Variants in STXBP5L observed in about 807,000 individuals in gnomAD.
STXBP5L encodes syntaxin binding protein 5L.
Under a neutral mutation model 144.5 loss-of-function variants are expected in STXBP5L, and 65 were observed. That is an observed-to-expected ratio of 0.45 (90% CI 0.37 to 0.55). The LOEUF is 0.55. Ranked by LOEUF, STXBP5L falls within the 20% of genes least tolerant of loss-of-function variation. STXBP5L has a pLI of 0.00. For synonymous variants in STXBP5L, 505 were observed against 469.6 expected (o/e 1.08, Z -0.97); for missense variants, 1,298 against 1,405.5 (o/e 0.92, Z 1.22).
intron 11 of STXBP5L, among the ~76,000 whole-genome samples, chr3:121,230,663 A>G (rs2049276953): frequency 6.6e-6 from 1 of 152,132 alleles, no homozygotes; most frequent in Non-Finnish European, 1.5e-5. Context: ...CCAATTTGGT[A>G]CCATAGACAA....
chr3:121,245,188 T>C (rs917772416), intron 14 of STXBP5L, among the ~76,000 whole-genome samples: 1 of 151,950 alleles, frequency 6.6e-6, no homozygotes, highest in Non-Finnish European at 1.5e-5. Context: ...AGATAGTGAA[T>C]GTAAAGGAGT....
rs1209251497 is a variant in STXBP5L, at chr3:120,908,339, C to T, written c.-9+5C>T. Reference sequence around the variant, plus strand: ...GGCTAGAGGCGTCTGAGGAAGGTGCCTAAGTCCTGGGTCAGATAGTCATCC... The same window carrying T: ...GGCTAGAGGCGTCTGAGGAAGGTGCTTAAGTCCTGGGTCAGATAGTCATCC... On this transcript the variant is annotated splice_donor_5th_base_variant and intron_variant, in intron 1 of 26. Transcript: ENST00000471454. The T allele has an allele frequency of 6.5e-6, 1 of 152,756 alleles. No individual in the cohort carries two copies. The highest frequency in any genetic ancestry group is 1.5e-5 in the Non-Finnish European group (1 of 68,352). The allele number at this position is 152,756 out of a possible 1,614,324, so 9.5% of individuals were successfully genotyped here.
intron 5 of STXBP5L, among the ~76,000 whole-genome samples, chr3:121,066,273 C>T (rs940343507): frequency 2.0e-5 from 3 of 151,724 alleles, no homozygotes; most frequent in Non-Finnish European, 2.9e-5. Context: ...CATTATTTCA[C>T]CTTTAAGTGT....
intron 22 of STXBP5L, among the ~76,000 whole-genome samples, chr3:121,391,583 C>G (rs1284433674): frequency 6.6e-6 from 1 of 151,434 alleles, no homozygotes; most frequent in East Asian, 1.9e-4. Context: ...TGTAGATGAC[C>G]TTTTTGTTGA....
intron 9 of STXBP5L, among the ~76,000 whole-genome samples, chr3:121,186,103 G>C (rs2108131416): frequency 6.6e-6 from 1 of 152,160 alleles, no homozygotes; most frequent in East Asian, 1.9e-4. Flanking sequence ...CTGTTTGTCT[G>C]TTATTGGTGT....
chr3:121,355,757 G>C (rs1167023291), intron 20 of STXBP5L, among the ~76,000 whole-genome samples: 1 of 152,124 alleles, frequency 6.6e-6, no homozygotes, highest in Non-Finnish European at 1.5e-5. Flanking sequence ...TCCTTGGGAG[G>C]AGAAGAGGCA....
chr3:120,956,972 C>A (rs1306131440), intron 3 of STXBP5L, among the ~76,000 whole-genome samples: 1 of 151,730 alleles, frequency 6.6e-6, no homozygotes, highest in Non-Finnish European at 1.5e-5. Context: ...TACATTTGGG[C>A]CTTTTATCCA....
At chr3:121,074,042 T>G (rs2041918994) in intron 5 of STXBP5L, among the ~76,000 whole-genome samples, 1 of 152,156 alleles carries the variant, frequency 6.6e-6, no homozygotes, top group African/African-American at 2.4e-5. Context: ...CAACAATACA[T>G]CATCCATGTA....
At chr3:121,310,862 T>A (rs1217238762) in intron 19 of STXBP5L, among the ~76,000 whole-genome samples, 1 of 151,728 alleles carries the variant, frequency 6.6e-6, no homozygotes, top group African/African-American at 2.4e-5. Flanking sequence ...TGAGCCAAGA[T>A]CGCACCACTG....
intron 3 of STXBP5L, among the ~76,000 whole-genome samples, chr3:121,036,049 G>C (rs952631859): frequency 6.6e-6 from 1 of 152,002 alleles, no homozygotes; most frequent in Non-Finnish European, 1.5e-5. Flanking sequence ...TTAAAAATTT[G>C]GGGGCTGGGC....
chr3:121,103,379 TC>T (rs2043531481), intron 5 of STXBP5L, among the ~76,000 whole-genome samples: 3 of 152,266 alleles, frequency 2.0e-5, no homozygotes, highest in Non-Finnish European at 2.9e-5. Context: ...GAAGTCATGT[TC>T]TTTGCAGCTA....
At chr3:121,277,380 C>T (rs2050918003) in intron 18 of STXBP5L, among the ~76,000 whole-genome samples, 1 of 152,006 alleles carries the variant, frequency 6.6e-6, no homozygotes. Context: ...TTTGGGAAAA[C>T]ACAAACATTC....
chr3:121,399,743 A>G lies in STXBP5L; in HGVS notation c.2588-7500A>G, dbSNP rs372068735. ...GGAGGGCCAGGTGTTCCTTGCCCTC[A>G]TTCTGGTAAACCCACAACCTTCCAG... On this transcript the variant is annotated intron_variant, in intron 22 of 26. Transcript: ENST00000471454. Among the ~76,000 whole-genome samples, 85 of 152,332 alleles carry G rather than the reference A, an allele frequency of 5.6e-4. No homozygotes were observed. In the East Asian group the frequency reaches 0.012, roughly 21 times the overall value.
At chr3:121,235,930 A>G (rs1462138570) in intron 12 of STXBP5L, among the ~76,000 whole-genome samples, 1 of 151,940 alleles carries the variant, frequency 6.6e-6, no homozygotes, top group Non-Finnish European at 1.5e-5. Flanking sequence ...ATGGCAAAAA[A>G]CTGTTTTGTA....
chr3:121,050,629 T>A (rs1191556324), intron 5 of STXBP5L, among the ~76,000 whole-genome samples: 1 of 151,932 alleles, frequency 6.6e-6, no homozygotes. Context: ...ACTGCAAAAA[T>A]ATGCCAAAAT....
intron 19 of STXBP5L, among the ~76,000 whole-genome samples, chr3:121,308,304 T>C (rs187267442): frequency 6.6e-6 from 1 of 152,258 alleles, no homozygotes; most frequent in East Asian, 1.9e-4. Context: ...GCAAAAGTAT[T>C]TTTCAAAAAT....
chr3:121,019,413 G>A (rs538928401), intron 3 of STXBP5L, among the ~76,000 whole-genome samples: 15 of 152,280 alleles, frequency 9.9e-5, no homozygotes, highest in African/African-American at 2.9e-4. Flanking sequence ...CTATACAACC[G>A]CAGCTGATGT....
At chr3:121,204,628 G>A (rs181414861) in intron 9 of STXBP5L, among the ~76,000 whole-genome samples, 18 of 151,686 alleles carry the variant, frequency 1.2e-4, no homozygotes, top group African/African-American at 1.4e-4. Flanking sequence ...GATAAACAAT[G>A]TATTACATAG....
chr3:121,028,673 T>A (rs1946141275), intron 3 of STXBP5L, among the ~76,000 whole-genome samples: 1 of 152,010 alleles, frequency 6.6e-6, no homozygotes, highest in East Asian at 1.9e-4. Flanking sequence ...GGAACCATCA[T>A]TTTTTTCTGG....
Sources: allele counts gnomAD v4.1 joint callset (sites outside exome capture counted in the v4.1 genomes callset), GRCh38; gene constraint gnomAD v4.1.1; transcripts MANE v1.5; gene names NCBI Gene and HGNC (gene_info 2026-07-23, HGNC 2026-07-21).